BCAT1: variants seen among roughly 807,000 people sequenced by gnomAD.
BCAT1 encodes the protein branched-chain-amino-acid aminotransferase, cytosolic.
Under a neutral mutation model 52.4 loss-of-function variants are expected in BCAT1, and 48 were observed. That is an observed-to-expected ratio of 0.92 (90% confidence interval 0.73 to 1.16). The LOEUF (loss-of-function observed/expected upper bound fraction) is 1.16, where lower values mean the gene tolerates loss of function less well. Among genes scored for constraint, BCAT1 ranks in the 50% most tolerant of loss-of-function variants. The pLI is 0.00. For missense variants in BCAT1, 451 were observed against 457.1 expected (o/e 0.99, Z 0.12); for synonymous variants, 167 against 161.3 (o/e 1.04, Z -0.27).
At chr12:24,898,322 G>A (rs1480883569) in intron 2 of BCAT1, among the ~76,000 whole-genome samples, 1 of 143,494 alleles carries the variant, frequency 7.0e-6, no homozygotes, top group Non-Finnish European at 1.6e-5. Context: ...ATATGTTTGT[G>A]GAAGAATTGG....
chr12:24,822,757 A>C (rs757069822), intron 10 of BCAT1, among the ~76,000 whole-genome samples: 1 of 152,172 alleles, frequency 6.6e-6, no homozygotes, highest in Non-Finnish European at 1.5e-5. Flanking sequence ...CACTGTTTCC[A>C]CCTGTCCTGT....
At chr12:24,891,455 G>A (rs1942835378) in intron 3 of BCAT1, among the ~76,000 whole-genome samples, 1 of 152,078 alleles carries the variant, frequency 6.6e-6, no homozygotes, top group Admixed American at 6.6e-5. Context: ...AAACCACTTA[G>A]CCATCCTAGT....
Position 24,894,481 on chromosome 12 carries a change from G to A in BCAT1, c.79-6C>T, listed in dbSNP as rs752707561. The stretch of plus-strand genomic sequence containing the variant: ...GTGACTATTAGGTCTTTAGCCTGGG[G>A]AAGAAAAATCATCACTATTTACAGA... On this transcript the variant is annotated splice_region_variant and splice_polypyrimidine_tract_variant and intron_variant, in intron 2 of 10. Coordinates refer to ENST00000261192, the MANE Select transcript of BCAT1 (RefSeq NM_005504.7). The A allele has an allele frequency of 5.1e-6, 8 of 1,576,394 alleles. No individual in the cohort carries two copies. The highest frequency in any genetic ancestry group is 4.6e-5 in the South Asian group (4 of 86,452).
At chr12:24,945,315 A>C (rs1480092692) in intron 1 of BCAT1, 1 of 152,218 alleles carries the variant, frequency 6.6e-6, no homozygotes, top group Non-Finnish European at 1.5e-5. Flanking sequence ...ACATTTAAAA[A>C]ATGTGAGTTG....
intron 6 of BCAT1, among the ~76,000 whole-genome samples, chr12:24,842,894 T>G (rs1357813590): frequency 1.3e-5 from 2 of 152,188 alleles, no homozygotes; most frequent in African/African-American, 4.8e-5. Flanking sequence ...GACAATTTAG[T>G]GTTATAATAC....
intron 10 of BCAT1, among the ~76,000 whole-genome samples, chr12:24,818,958 T>C (rs986865504): frequency 6.6e-6 from 1 of 152,206 alleles, no homozygotes. Context: ...AATGTCATCA[T>C]GCCAGGAGTT....
intron 1 of BCAT1, among the ~76,000 whole-genome samples, chr12:24,911,570 C>A (rs1485735626): frequency 6.6e-6 from 1 of 152,230 alleles, no homozygotes; most frequent in African/African-American, 2.4e-5. Context: ...TTCTGACATT[C>A]CAGTGGAGTC....
Position 24,881,414 on chromosome 12 carries a change from G to A in BCAT1, c.280-3C>T. The A allele has an allele frequency of 1.3e-6, 2 of 1,585,268 alleles. No homozygotes were observed. Among genetic ancestry groups the A allele is most frequent in the East Asian group, 2.2e-5 (1 of 44,694 alleles). On this transcript the variant is annotated splice_region_variant and splice_polypyrimidine_tract_variant and intron_variant, in intron 3 of 10. Transcript: ENST00000261192. ...AATGCCTTCAATCCTTCAAATAACTGGAGATCAAAGAGAAAAAATCTTAGA... is the reference window on the plus strand; with the variant it reads ...AATGCCTTCAATCCTTCAAATAACTAGAGATCAAAGAGAAAAAATCTTAGA...
chr12:24,858,804 G>T (rs1941766141), intron 5 of BCAT1, among the ~76,000 whole-genome samples: 1 of 152,204 alleles, frequency 6.6e-6, no homozygotes, highest in Non-Finnish European at 1.5e-5. Context: ...ATTATAAGAA[G>T]GCATGGGAAT....
At chr12:24,920,683 A>G (rs1943488558) in intron 1 of BCAT1, among the ~76,000 whole-genome samples, 2 of 152,158 alleles carry the variant, frequency 1.3e-5, no homozygotes, top group Non-Finnish European at 1.5e-5. Context: ...CAGCTCCAAC[A>G]CTGTCTACCC....
At chr12:24,850,248 C>T (rs1044157032) in intron 5 of BCAT1, among the ~76,000 whole-genome samples, 1 of 152,180 alleles carries the variant, frequency 6.6e-6, no homozygotes, top group African/African-American at 2.4e-5. Flanking sequence ...TTTCTAACAA[C>T]TATCTATATA....
chr12:24,915,249 G>A (rs1943389588), intron 1 of BCAT1, among the ~76,000 whole-genome samples: 1 of 151,920 alleles, frequency 6.6e-6, no homozygotes, highest in South Asian at 2.1e-4. Context: ...AAAAATCATT[G>A]TAGAATAAAA....
chr12:24,848,626 T>C (rs1941412838), intron 6 of BCAT1, among the ~76,000 whole-genome samples: 1 of 152,156 alleles, frequency 6.6e-6, no homozygotes, highest in Non-Finnish European at 1.5e-5. Context: ...TCTCTATATA[T>C]GGTATATATA....
chr12:24,824,577 G>T (rs1213987351), intron 10 of BCAT1, among the ~76,000 whole-genome samples: 5 of 152,118 alleles, frequency 3.3e-5, no homozygotes, highest in Non-Finnish European at 7.3e-5. Context: ...TAGGATTACA[G>T]GAATGAGCCA....
At chr12:24,848,503 A>C (rs1009263926) in intron 6 of BCAT1, among the ~76,000 whole-genome samples, 2 of 152,316 alleles carry the variant, frequency 1.3e-5, no homozygotes, top group South Asian at 4.1e-4. Flanking sequence ...ATTGCCCTGC[A>C]ATTTCTGTGT....
chr12:24,852,528 A>G (rs926220018), intron 5 of BCAT1, among the ~76,000 whole-genome samples: 3 of 152,210 alleles, frequency 2.0e-5, no homozygotes. Context: ...ACGTGTTATG[A>G]AAATTTTTTC....
chr12:24,875,213 A>G (rs193264523), intron 5 of BCAT1, among the ~76,000 whole-genome samples: 64 of 152,322 alleles, frequency 4.2e-4, no homozygotes, highest in African/African-American at 1.5e-3. Flanking sequence ...AGCCACCACG[A>G]AAACCTAATG....
chr12:24,851,252 A>C (rs1413511711), intron 5 of BCAT1, among the ~76,000 whole-genome samples: 1 of 152,184 alleles, frequency 6.6e-6, no homozygotes, highest in Non-Finnish European at 1.5e-5. Flanking sequence ...CCTGGATAGG[A>C]ATGGGGATCT....
chr12:24,891,857 T>C (rs925056724), intron 3 of BCAT1, among the ~76,000 whole-genome samples: 1 of 151,848 alleles, frequency 6.6e-6, no homozygotes, highest in Non-Finnish European at 1.5e-5. Context: ...CACGTCATTT[T>C]CCTGCCTCAG....
Sources: allele counts gnomAD v4.1 joint callset (sites outside exome capture counted in the v4.1 genomes callset), GRCh38; gene constraint gnomAD v4.1.1; transcripts MANE v1.5; gene names NCBI Gene and HGNC (gene_info 2026-07-23, HGNC 2026-07-21).